MAGI2: variants seen among roughly 807,000 people sequenced by gnomAD.
The protein encoded by MAGI2 is membrane-associated guanylate kinase, WW and PDZ domain-containing protein 2.
MAGI2 carries 35 observed loss-of-function variants against 133.3 expected under a neutral mutation model. The observed-to-expected ratio is 0.26, with a 90% confidence interval of 0.20 to 0.35. MAGI2 has a LOEUF of 0.35. MAGI2 is among the 10% of genes least tolerant of loss of function. The pLI is 1.00. For missense variants in MAGI2, 1,636 were observed against 1,863.4 expected (o/e 0.88, Z 2.25); for synonymous variants, 729 against 710.6 (o/e 1.03, Z -0.41).
At chr7:79,117,480 T>C (rs1819507989) in intron 1 of MAGI2, among the ~76,000 whole-genome samples, 1 of 152,168 alleles carries the variant, frequency 6.6e-6, no homozygotes. Flanking sequence ...CTAAACAGTT[T>C]GAAATCATAA....
At chr7:78,478,085 C>T (rs767792315) in intron 6 of MAGI2, among the ~76,000 whole-genome samples, 1 of 151,748 alleles carries the variant, frequency 6.6e-6, no homozygotes, top group Admixed American at 6.6e-5. Flanking sequence ...CTCCCTATCC[C>T]CCAACAGGCC....
intron 2 of MAGI2, among the ~76,000 whole-genome samples, chr7:78,850,534 C>G (rs1321963723): frequency 6.6e-6 from 1 of 152,090 alleles, no homozygotes; most frequent in African/African-American, 2.4e-5. Context: ...ATTTCGTATC[C>G]TTTTAGTGAT....
chr7:78,288,565 G>A (rs997597157), intron 9 of MAGI2, among the ~76,000 whole-genome samples: 14 of 152,146 alleles, frequency 9.2e-5, no homozygotes, highest in Admixed American at 1.3e-4. Context: ...GAAGATGGAT[G>A]ATTTCTGCAT....
chr7:79,193,727 T>TC (rs1453372952), intron 1 of MAGI2, among the ~76,000 whole-genome samples: 1 of 151,780 alleles, frequency 6.6e-6, no homozygotes, highest in Non-Finnish European at 1.5e-5. Context: ...TAGTACTTTC[T>TC]CCCCCCACCA....
intron 1 of MAGI2, among the ~76,000 whole-genome samples, chr7:79,062,325 C>G (rs1193789154): frequency 1.3e-5 from 2 of 152,118 alleles, no homozygotes; most frequent in Non-Finnish European, 2.9e-5. Context: ...TCCCCTCTAT[C>G]TACATATTGC....
intron 14 of MAGI2, 110 bp downstream of exon 14, chr7:78,177,899 TTA>T: frequency 1.3e-6 from 1 of 742,076 alleles, no homozygotes; most frequent in Non-Finnish European, 2.2e-6. Flanking sequence ...TTAAACTTCT[TTA>T]TGAGAGTCCT....
intron 2 of MAGI2, among the ~76,000 whole-genome samples, chr7:78,767,913 T>C (rs1430223736): frequency 6.6e-6 from 1 of 152,230 alleles, no homozygotes; most frequent in East Asian, 1.9e-4. Flanking sequence ...GCATCTTAAA[T>C]GTTGTTCAGG....
chr7:78,980,554 T>A (rs1457595603), intron 2 of MAGI2, among the ~76,000 whole-genome samples: 1 of 151,876 alleles, frequency 6.6e-6, no homozygotes, highest in Non-Finnish European at 1.5e-5. Context: ...GCTAATGACA[T>A]CTCTCCATTT....
chr7:78,827,963 C>A (rs766623219), intron 2 of MAGI2, among the ~76,000 whole-genome samples: 8 of 152,182 alleles, frequency 5.3e-5, no homozygotes, highest in Non-Finnish European at 8.8e-5. Flanking sequence ...TAGCTCACTG[C>A]AACCTCCGCC....
At chr7:79,090,807 T>A (rs2129542521) in intron 1 of MAGI2, among the ~76,000 whole-genome samples, 1 of 152,312 alleles carries the variant, frequency 6.6e-6, no homozygotes, top group Middle Eastern at 3.4e-3. Context: ...ATCCATGGTA[T>A]CTGTGGACCA....
chr7:79,133,856 C>T (rs1821150179), intron 1 of MAGI2, among the ~76,000 whole-genome samples: 1 of 152,126 alleles, frequency 6.6e-6, no homozygotes, highest in African/African-American at 2.4e-5. Flanking sequence ...CCTTTGTATG[C>T]CCCATGCCTA....
rs1038446210 is a variant in MAGI2, at chr7:78,497,718, A to G, written c.965+3859T>C. Among the ~76,000 whole-genome samples the G allele has an allele frequency of 4.2e-5, 5 of 119,252 alleles. No homozygotes were observed. In the Admixed American group the frequency reaches 4.2e-4, roughly 10 times the overall value. The allele number at this position is 119,252 out of a possible 152,430, so 78.2% of individuals were successfully genotyped here. On this transcript the variant is annotated intron_variant, in intron 5 of 21. Transcript: ENST00000354212. Reference sequence around the variant, plus strand: ...AGTTCCTTTATGCTATTCAGAAATAACTATTCTATCTATCTATCTATCTAT... The same window carrying G: ...AGTTCCTTTATGCTATTCAGAAATAGCTATTCTATCTATCTATCTATCTAT...
At chr7:78,309,502 G>A (rs187099995) in intron 9 of MAGI2, among the ~76,000 whole-genome samples, 96 of 152,176 alleles carry the variant, frequency 6.3e-4, no homozygotes, top group Admixed American at 6.2e-3. Flanking sequence ...ATACATGGAC[G>A]CAAAGAGGGG....
chr7:78,060,945 C>T (rs891303258), intron 21 of MAGI2, among the ~76,000 whole-genome samples: 1 of 152,056 alleles, frequency 6.6e-6, no homozygotes, highest in Admixed American at 6.5e-5. Flanking sequence ...GCAGGCAGAT[C>T]ACTTGAGGCC....
At chr7:78,798,726 T>G (rs1441375968) in intron 2 of MAGI2, among the ~76,000 whole-genome samples, 2 of 152,228 alleles carry the variant, frequency 1.3e-5, no homozygotes, top group Admixed American at 1.3e-4. Context: ...TATTAAACAA[T>G]AATTTTCTCT....
At chr7:79,119,194 C>G (rs1177874781) in intron 1 of MAGI2, among the ~76,000 whole-genome samples, 2 of 152,116 alleles carry the variant, frequency 1.3e-5, no homozygotes, top group Non-Finnish European at 2.9e-5. Context: ...GCATAGTTAA[C>G]CAGTAGTGAC....
At position 78,129,931 on chromosome 7, in the gene MAGI2, G is replaced by A. The variant is rs574272288; in HGVS notation, c.3204-2515C>T. On this transcript the variant is annotated intron_variant, in intron 18 of 21. Coordinates refer to ENST00000354212, the MANE Select transcript of MAGI2 (RefSeq NM_012301.4). ...GCCTGGGCAACAAGAGGGAAACTCCGCCTCAAAAAAAAAAAAAAAAAAAAA... is the reference window on the plus strand; with the variant it reads ...GCCTGGGCAACAAGAGGGAAACTCCACCTCAAAAAAAAAAAAAAAAAAAAA... Among the ~76,000 whole-genome samples, 75 of 63,308 alleles carry A rather than the reference G, an allele frequency of 1.2e-3. 1 individual carries two copies. Among genetic ancestry groups the A allele is most frequent in the African/African-American group, 4.0e-3 (60 of 14,862 alleles). The allele number at this position is 63,308 out of a possible 152,430, so 41.5% of individuals were successfully genotyped here.
chr7:78,646,269 T>C (rs1010995157), intron 2 of MAGI2, among the ~76,000 whole-genome samples: 22 of 152,198 alleles, frequency 1.4e-4, no homozygotes, highest in Admixed American at 4.6e-4. Context: ...AGTTGTTATA[T>C]TATTTCTTCT....
intron 21 of MAGI2, chr7:78,026,171 C>G (rs1271469714): frequency 6.6e-6 from 1 of 152,314 alleles, no homozygotes; most frequent in Non-Finnish European, 1.5e-5. Context: ...ACACACACCC[C>G]ATTATGTTTT....
Sources: allele counts gnomAD v4.1 joint callset (sites outside exome capture counted in the v4.1 genomes callset), GRCh38; gene constraint gnomAD v4.1.1; transcripts MANE v1.5; gene names NCBI Gene and HGNC (gene_info 2026-07-23, HGNC 2026-07-21).